GC: variants seen among roughly 807,000 people sequenced by gnomAD.
GC encodes GC vitamin D binding protein.
Under a neutral mutation model 56.7 loss-of-function variants are expected in GC, and 43 were observed. The observed-to-expected ratio is 0.76, with a 90% CI of 0.59 to 0.98. GC has a LOEUF of 0.98. Among genes scored for constraint, GC ranks in the 50% least tolerant of loss-of-function variants. The probability of loss-of-function intolerance (pLI) is 0.00; values close to 1 mark genes in which losing one functional copy is unlikely to be tolerated. For synonymous variants in GC, 216 were observed against 202.7 expected (o/e 1.07, Z -0.56); for missense variants, 529 against 545.9 (o/e 0.97, Z 0.31).
rs753548758 is a variant in GC at position 71,765,449 on chromosome 4, T to C, written c.456A>G (p.Pro152=). ...DEICEAFRKD[P]KEYANQFMWE... is the part of the protein sequence containing the mutation. The stretch of plus-strand genomic sequence containing the variant: ...GCACTCACTGATTAGCATATTCCTT[T>C]GGATCTTTCCTGAACGCCTCACAGA... Residue 152 remains proline, a synonymous_variant, in exon 4 of 13, where the codon CCA becomes CCG. Coordinates refer to ENST00000273951, the MANE Select transcript of GC (RefSeq NM_000583.4). The C allele has an allele frequency of 1.2e-6, 2 of 1,613,510 alleles. No homozygotes were observed. Among genetic ancestry groups the C allele is most frequent in the South Asian group, 2.2e-5 (2 of 91,070 alleles).
At chr4:71,768,957 A>G (rs1260517595) in intron 2 of GC, among the ~76,000 whole-genome samples, 5 of 152,198 alleles carry the variant, frequency 3.3e-5, no homozygotes, top group Non-Finnish European at 7.4e-5. Flanking sequence ...CTTCCATCAA[A>G]CCAATCTGGT....
At chr4:71,763,550 A>G (rs1348161703) in intron 5 of GC, 48 bp from the exon 6 acceptor site, 1 of 1,141,704 alleles carries the variant, frequency 8.8e-7, no homozygotes, top group Non-Finnish European at 1.3e-6. Context: ...GACTCATTGA[A>G]TACTGTATAA....
chr4:71,742,837 G>T (rs1741227836), intron 12 of GC, among the ~76,000 whole-genome samples: 1 of 152,180 alleles, frequency 6.6e-6, no homozygotes, highest in Admixed American at 6.5e-5. Context: ...AGCCAGGCGT[G>T]GTGGCGGGCA....
intron 2 of GC, among the ~76,000 whole-genome samples, chr4:71,768,708 C>A (rs1195093753): frequency 6.6e-6 from 1 of 152,210 alleles, no homozygotes; most frequent in Non-Finnish European, 1.5e-5. Flanking sequence ...TTGCGATCCA[C>A]CCTCCTTGTC....
intron 7 of GC, among the ~76,000 whole-genome samples, chr4:71,757,283 A>G (rs1392912756): frequency 6.6e-6 from 1 of 152,184 alleles, no homozygotes; most frequent in Non-Finnish European, 1.5e-5. Context: ...GTAATACATG[A>G]CATGGATATA....
intron 1 of GC, among the ~76,000 whole-genome samples, chr4:71,802,275 A>C (rs1409905864): frequency 6.6e-6 from 1 of 152,128 alleles, no homozygotes. Flanking sequence ...TTGGGGTTTA[A>C]GCTGCATATT....
chr4:71,748,787 AT>A (rs1281172467), intron 11 of GC, among the ~76,000 whole-genome samples: 2 of 152,132 alleles, frequency 1.3e-5, no homozygotes, highest in Non-Finnish European at 2.9e-5. Flanking sequence ...AACACTAAGT[AT>A]GGTTCAGAAG....
intron 1 of GC, among the ~76,000 whole-genome samples, chr4:71,791,377 T>G (rs1742964471): frequency 6.6e-6 from 1 of 152,084 alleles, no homozygotes; most frequent in African/African-American, 2.4e-5. Flanking sequence ...TTTTTTCCTC[T>G]GGTTGCTTTT....
intron 11 of GC, among the ~76,000 whole-genome samples, chr4:71,749,203 A>C (rs1051137128): frequency 6.6e-6 from 1 of 152,104 alleles, no homozygotes; most frequent in East Asian, 1.9e-4. Flanking sequence ...CATTCATCGC[A>C]CTCTACTTTA....
chr4:71,769,484 A>G, intron 1 of GC, 84 bp from the exon 2 acceptor site: 2 of 879,868 alleles, frequency 2.3e-6, no homozygotes, highest in Non-Finnish European at 1.8e-6. Flanking sequence ...GTGATCTTCC[A>G]CGTGGCCTAC....
chr4:71,752,167 C>T (rs1463364914), intron 11 of GC, among the ~76,000 whole-genome samples: 1 of 152,066 alleles, frequency 6.6e-6, no homozygotes, highest in Non-Finnish European at 1.5e-5. Context: ...GATGTTCTCA[C>T]TGTATTCTTA....
At chr4:71,799,424 T>G (rs918661384) in intron 1 of GC, among the ~76,000 whole-genome samples, 3 of 152,054 alleles carry the variant, frequency 2.0e-5, no homozygotes, top group African/African-American at 7.2e-5. Context: ...TCCTGGTGAG[T>G]GTGGCTCACC....
chr4:71,791,441 A>G (rs1742966133), intron 1 of GC, among the ~76,000 whole-genome samples: 1 of 151,986 alleles, frequency 6.6e-6, no homozygotes, highest in African/African-American at 2.4e-5. Context: ...TATGCACTGT[A>G]TGATTCTCTC....
In GC at chr4:71,746,185, A is replaced by G. The variant is rs1741357743; in HGVS notation, c.1416T>C (p.Asn472=). ...CDSEIDAELK[N]IL The stretch of plus-strand genomic sequence containing the variant: ...TAAACATGCTTCAGGACTACAGGAT[A>G]TTCTTCAATTCAGCATCAATCTGAT... The change falls in exon 12 of 13, where the codon AAT becomes AAC. Residue 472 remains asparagine, a synonymous_variant. Coordinates refer to ENST00000273951, the MANE Select transcript of GC (RefSeq NM_000583.4). The G allele has an allele frequency of 1.5e-6, 2 of 1,340,350 alleles. No individual in the cohort carries two copies. Among genetic ancestry groups the G allele is most frequent in the Non-Finnish European group, 2.1e-6 (2 of 935,454 alleles). The allele number at this position is 1,340,350 out of a possible 1,614,324, so 83.0% of individuals were successfully genotyped here.
intron 6 of GC, among the ~76,000 whole-genome samples, chr4:71,758,688 A>C (rs888854792): frequency 3.3e-5 from 5 of 152,192 alleles, no homozygotes; most frequent in African/African-American, 1.2e-4. Flanking sequence ...TTTTCACTTA[A>C]TATACCAGGA....
chr4:71,803,876 C>T, intron 1 of GC: 1 of 1,057,782 alleles, frequency 9.5e-7, no homozygotes, highest in Non-Finnish European at 1.4e-6. Context: ...AACTAAAGCT[C>T]AGAGAGTACC....
intron 1 of GC, among the ~76,000 whole-genome samples, chr4:71,800,543 C>T (rs746872623): frequency 3.3e-5 from 5 of 152,050 alleles, no homozygotes; most frequent in African/African-American, 4.8e-5. Context: ...AGTAAATATA[C>T]GTGTGCATAT....
intron 12 of GC, among the ~76,000 whole-genome samples, chr4:71,744,757 C>T (rs1194679914): frequency 6.6e-6 from 1 of 152,042 alleles, no homozygotes; most frequent in Non-Finnish European, 1.5e-5. Context: ...GTCACTGTTG[C>T]ATATTGGGAT....
At chr4:71,763,353 G>T in intron 6 of GC, 55 bp downstream of exon 6, 3 of 878,184 alleles carry the variant, frequency 3.4e-6, no homozygotes, top group Middle Eastern at 2.2e-4. Flanking sequence ...CTAATATTAT[G>T]GATAGACAGT....
Sources: allele counts gnomAD v4.1 joint callset (sites outside exome capture counted in the v4.1 genomes callset), GRCh38; gene constraint gnomAD v4.1.1; transcripts MANE v1.5; gene names NCBI Gene and HGNC (gene_info 2026-07-23, HGNC 2026-07-21).